OR5A2: variants seen among roughly 807,000 people sequenced by gnomAD.
OR5A2 encodes olfactory receptor family 5 subfamily A member 2, also known as olfactory receptor 5A2.
For missense variants in OR5A2, 406 were observed against 398.9 expected, an observed-to-expected ratio of 1.02 and a Z score of -0.15; for synonymous variants, 155 against 151.1, an observed-to-expected ratio of 1.03 and a Z score of -0.19.
At position 59,421,753 on chromosome 11, in the gene OR5A2, G is replaced by A. The variant is rs537422321; in HGVS notation, c.*226C>T. ...CCAGGATGTTTTTTGTCATGATGAA[G>A]TTTTCTGCTAGGCAGAGCATTTAAA... On this transcript the variant is annotated 3_prime_UTR_variant, in exon 2 of 2. Coordinates refer to ENST00000302040, the MANE Select transcript of OR5A2 (RefSeq NM_001001954.2). 35 of 455,780 alleles carry A rather than the reference G, an allele frequency of 7.7e-5. No homozygotes were observed. Among genetic ancestry groups the A allele is most frequent in the Non-Finnish European group, 1.1e-4 (28 of 259,272 alleles). The allele number at this position is 455,780 out of a possible 1,614,324, so 28.2% of individuals were successfully genotyped here.
In OR5A2 at chr11:59,422,438, G is replaced by A. The variant is rs201431612; in HGVS notation, c.516C>T (p.Pro172=). 53 of 1,614,032 alleles carry A rather than the reference G, an allele frequency of 3.3e-5. No homozygotes were observed. Among genetic ancestry groups the A allele is most frequent in the Non-Finnish European group, 4.2e-5 (50 of 1,180,018 alleles). ...YSVYQHDFCG[P]YMINHFFCDL... The stretch of plus-strand genomic sequence containing the variant: ...CACAGAAAAAGTGGTTGATCATATA[G>A]GGCCCACAGAAATCATGCTGATAGA... The change falls in exon 2 of 2, where the codon CCC becomes CCT. Residue 172 remains proline, a synonymous_variant. Coordinates refer to ENST00000302040, the MANE Select transcript of OR5A2 (RefSeq NM_001001954.2).
Position 59,422,220 on chromosome 11 carries a change from T to C in OR5A2, c.734A>G (p.His245Arg). 6.2e-7 allele frequency: 1 copy of C among 1,614,026 alleles called. No homozygotes were observed. ...ATAGAAGAGGGTCACAGCAGTCAGG[T>C]GAGAGGCACAAGTGCTGAAGGCCTT... ...RTKAFSTCAS[H>R]LTAVTLFYGS... Residue 245 changes from histidine (H) to arginine (R), a missense_variant, in exon 2 of 2, where the codon CAC becomes CGC. Coordinates refer to ENST00000302040, the MANE Select transcript of OR5A2 (RefSeq NM_001001954.2).
In OR5A2 at chr11:59,421,853, C is replaced by G; in HGVS notation, c.*126G>C. 12 of 1,047,968 alleles carry G rather than the reference C, an allele frequency of 1.1e-5. No homozygotes were observed. The highest frequency in any genetic ancestry group is 2.3e-5 in the Admixed American group (1 of 43,038). 64.9% of individuals were successfully genotyped at this position (1,047,968 alleles called of 1,614,324 possible). ...TGTTTTCTAATAGCCAACAGGCAAA[C>G]TATTAGTGAAATCTTAAGCAGGAGG... On this transcript the variant is annotated 3_prime_UTR_variant, in exon 2 of 2. Transcript: ENST00000302040.
Position 59,422,444 on chromosome 11 carries a change from A to G in OR5A2, c.510T>C (p.Cys170=). The G allele has an allele frequency of 6.2e-7, 1 of 1,614,222 alleles. No individual in the cohort carries two copies. Among genetic ancestry groups the G allele is most frequent in the Non-Finnish European group, 8.5e-7 (1 of 1,180,026 alleles). Residue 170 remains cysteine (C), a synonymous_variant, in exon 2 of 2, where the codon TGT becomes TGC. Coordinates refer to ENST00000302040, the MANE Select transcript of OR5A2 (RefSeq NM_001001954.2). ...AAAAGTGGTTGATCATATAGGGCCCACAGAAATCATGCTGATAGACAGAGT... is the reference window on the plus strand; with the variant it reads ...AAAAGTGGTTGATCATATAGGGCCCGCAGAAATCATGCTGATAGACAGAGT... ...ETYSVYQHDF[C]GPYMINHFFC...
intron 1 of OR5A2, chr11:59,424,585 C>A (rs1463943827): frequency 2.6e-5 from 4 of 151,706 alleles, no homozygotes; most frequent in South Asian, 2.1e-4. Context: ...CAGAGTGAGA[C>A]CCTGTCTCAA....
Position 59,419,882 on chromosome 11 carries a change from T to A in OR5A2, c.*2097A>T, listed in dbSNP as rs2134521089. 6.6e-6 allele frequency: 1 copy of A among 152,168 alleles called. No homozygotes were observed. The highest frequency in any genetic ancestry group is 2.1e-4 in the South Asian group (1 of 4,810). The allele number at this position is 152,168 out of a possible 1,614,324, so 9.4% of individuals were successfully genotyped here. On this transcript the variant is annotated 3_prime_UTR_variant, in exon 2 of 2. Transcript: ENST00000302040. ...AGGGTGCCTGGCTCTTAGTTGATTA[T>A]CTCCTAGATCAGGGAAGGAAGGAAG... is the stretch of plus-strand genomic sequence containing the variant.
Position 59,421,713 on chromosome 11 carries a change from C to T in OR5A2, c.*266G>A. On this transcript the variant is annotated 3_prime_UTR_variant, in exon 2 of 2. Coordinates refer to ENST00000302040, the MANE Select transcript of OR5A2 (RefSeq NM_001001954.2). ...ATGACTTTCCTCCTATACATACAAACTCTGTTTTAACATTCCAGGATGTTT... is the reference window on the plus strand; with the variant it reads ...ATGACTTTCCTCCTATACATACAAATTCTGTTTTAACATTCCAGGATGTTT... The T allele has an allele frequency of 2.6e-6, 1 of 377,766 alleles. No individual in the cohort carries two copies. Among genetic ancestry groups the T allele is most frequent in the South Asian group, 6.0e-5 (1 of 16,798 alleles). The allele number at this position is 377,766 out of a possible 1,614,324, so 23.4% of individuals were successfully genotyped here.
intron 1 of OR5A2, chr11:59,425,126 T>C (rs1460145414): frequency 6.6e-6 from 1 of 152,222 alleles, no homozygotes; most frequent in Non-Finnish European, 1.5e-5. Context: ...GAGCTGGTTG[T>C]GCAGGAGGAC....
Position 59,421,960 on chromosome 11 carries a change from C to G in OR5A2, c.*19G>C. 6 of 1,567,022 alleles carry G rather than the reference C, an allele frequency of 3.8e-6. No homozygotes were observed. Among genetic ancestry groups the G allele is most frequent in the Non-Finnish European group, 5.2e-6 (6 of 1,155,972 alleles). Reference sequence around the variant, plus strand: ...AAATGTCTGCACAATTCACCTAGCTCACAGCTTCATTGTAAACATTAGCCC... The same window carrying G: ...AAATGTCTGCACAATTCACCTAGCTGACAGCTTCATTGTAAACATTAGCCC... On this transcript the variant is annotated 3_prime_UTR_variant, in exon 2 of 2. Coordinates refer to ENST00000302040, the MANE Select transcript of OR5A2 (RefSeq NM_001001954.2).
At position 59,422,229 on chromosome 11, in the gene OR5A2, C is replaced by A; in HGVS notation, c.725G>T (p.Cys242Phe). ...GGTCACAGCAGTCAGGTGAGAGGCACAAGTGCTGAAGGCCTTTGTCCTACC... is the reference window on the plus strand; with the variant it reads ...GGTCACAGCAGTCAGGTGAGAGGCAAAAGTGCTGAAGGCCTTTGTCCTACC... ...ATGRTKAFST[C>F]ASHLTAVTLF... is the part of the protein sequence containing the mutation. The change falls in exon 2 of 2, where the codon TGT (cysteine) becomes TTT (phenylalanine). Residue 242 changes from cysteine (C) to phenylalanine (F), a missense_variant. Cys to Phe is a radical substitution (Grantham distance 205, BLOSUM62 -2). Transcript: ENST00000302040. 6.2e-7 allele frequency: 1 copy of A among 1,614,120 alleles called. No individual in the cohort carries two copies. Among genetic ancestry groups the A allele is most frequent in the Non-Finnish European group, 8.5e-7 (1 of 1,180,016 alleles).
In OR5A2 at chr11:59,420,196, T is replaced by A. The variant is rs1858205427; in HGVS notation, c.*1783A>T. 6.6e-6 allele frequency: 1 copy of A among 152,058 alleles called. No homozygotes were observed. The highest frequency in any genetic ancestry group is 1.5e-5 in the Non-Finnish European group (1 of 68,000). 9.4% of individuals were successfully genotyped at this position (152,058 alleles called of 1,614,324 possible). ...AGCTTAGTCCTCAGGTAGCTACAGATGAGGAAAACAGAGTTTCTAAATAAC... is the reference window on the plus strand; with the variant it reads ...AGCTTAGTCCTCAGGTAGCTACAGAAGAGGAAAACAGAGTTTCTAAATAAC... On this transcript the variant is annotated 3_prime_UTR_variant, in exon 2 of 2. Transcript: ENST00000302040.
Position 59,421,690 on chromosome 11 carries a change from G to T in OR5A2, c.*289C>A. On this transcript the variant is annotated 3_prime_UTR_variant, in exon 2 of 2. Transcript: ENST00000302040. Reference sequence around the variant, plus strand: ...AATGCTGGACTAACATTTTTTCGATGACTTTCCTCCTATACATACAAACTC... The same window carrying T: ...AATGCTGGACTAACATTTTTTCGATTACTTTCCTCCTATACATACAAACTC... The T allele has an allele frequency of 3.3e-6, 1 of 298,754 alleles. No individual in the cohort carries two copies. The highest frequency in any genetic ancestry group is 6.2e-6 in the Non-Finnish European group (1 of 160,390). 18.5% of individuals were successfully genotyped at this position (298,754 alleles called of 1,614,324 possible).
Position 59,419,504 on chromosome 11 carries a change from G to C in OR5A2, c.*2475C>G, listed in dbSNP as rs1467447186. 6.6e-6 allele frequency: 1 copy of C among 152,086 alleles called. No homozygotes were observed. The highest frequency in any genetic ancestry group is 1.5e-5 in the Non-Finnish European group (1 of 68,014). 9.4% of individuals were successfully genotyped at this position (152,086 alleles called of 1,614,324 possible). On this transcript the variant is annotated 3_prime_UTR_variant, in exon 2 of 2. Transcript: ENST00000302040. The stretch of plus-strand genomic sequence containing the variant: ...AGCCAAATATGAGTAACCATGGCCC[G>C]CAACACAGCCGTCAGAAGGTCCTGA...
rs1590605618 is a variant in OR5A2 at position 59,420,086 on chromosome 11, A to G, written c.*1893T>C. 1 of 152,132 alleles carries G rather than the reference A, an allele frequency of 6.6e-6. No individual in the cohort carries two copies. Among genetic ancestry groups the G allele is most frequent in the African/African-American group, 2.4e-5 (1 of 41,424 alleles). The allele number at this position is 152,132 out of a possible 1,614,324, so 9.4% of individuals were successfully genotyped here. ...GTCACTGTATATGGTGTTAAATAAA[A>G]CCCATCTAATGAGAATTTATGGTTT... On this transcript the variant is annotated 3_prime_UTR_variant, in exon 2 of 2. Coordinates refer to ENST00000302040, the MANE Select transcript of OR5A2 (RefSeq NM_001001954.2).
In OR5A2 at chr11:59,423,028, G is replaced by A. The variant is rs1858252064; in HGVS notation, c.-75C>T. 1.5e-6 allele frequency: 2 copies of A among 1,371,354 alleles called. No individual in the cohort carries two copies. The highest frequency in any genetic ancestry group is 2.3e-5 in the East Asian group (1 of 43,512). The allele number at this position is 1,371,354 out of a possible 1,614,324, so 84.9% of individuals were successfully genotyped here. On this transcript the variant is annotated 5_prime_UTR_variant, in exon 2 of 2. An upstream open reading frame in the 5' UTR gains an earlier in-frame stop. Coordinates refer to ENST00000302040, the MANE Select transcript of OR5A2 (RefSeq NM_001001954.2). The stretch of plus-strand genomic sequence containing the variant: ...GGTCAGCTAGATTTTGTTTGTTATT[G>A]TAAGAGTGGGTATTTCCTAGAAGAT...
Position 59,422,262 on chromosome 11 carries a change from G to T in OR5A2, c.692C>A (p.Ser231Ter), listed in dbSNP as rs1387154452. 6.2e-7 allele frequency: 1 copy of T among 1,614,116 alleles called. No individual in the cohort carries two copies. Among genetic ancestry groups the T allele is most frequent in the Non-Finnish European group, 8.5e-7 (1 of 1,179,998 alleles). ...YIVAAVVKIS[S>*]ATGRTKAFST... ...GAAGGCCTTTGTCCTACCTGTAGCT[G>T]AGCTGATCTTCACAACAGCAGCAAC... Residue 231 changes from serine (S) to a stop codon, truncating the protein, a stop_gained, in exon 2 of 2, where the codon TCA becomes TAA. Coordinates refer to ENST00000302040, the MANE Select transcript of OR5A2 (RefSeq NM_001001954.2). LOFTEE classifies it low-confidence loss of function (END_TRUNC).
rs1396516071 is a variant in OR5A2, at chr11:59,417,106, C to G, written c.*4873G>C. 6.6e-6 allele frequency: 1 copy of G among 152,040 alleles called. No individual in the cohort carries two copies. Among genetic ancestry groups the G allele is most frequent in the Non-Finnish European group, 1.5e-5 (1 of 67,984 alleles). The allele number at this position is 152,040 out of a possible 1,614,324, so 9.4% of individuals were successfully genotyped here. ...CTAGTTTGACATCATAGTTCCATCTCAGAAGAACGTGGCTTTGAACACAAG... is the reference window on the plus strand; with the variant it reads ...CTAGTTTGACATCATAGTTCCATCTGAGAAGAACGTGGCTTTGAACACAAG... On this transcript the variant is annotated 3_prime_UTR_variant, in exon 2 of 2. Coordinates refer to ENST00000302040, the MANE Select transcript of OR5A2 (RefSeq NM_001001954.2).
At position 59,420,091 on chromosome 11, in the gene OR5A2, T is replaced by A. The variant is rs891052194; in HGVS notation, c.*1888A>T. The A allele has an allele frequency of 1.3e-5, 2 of 152,116 alleles. No individual in the cohort carries two copies. Among genetic ancestry groups the A allele is most frequent in the African/African-American group, 4.8e-5 (2 of 41,424 alleles). 9.4% of individuals were successfully genotyped at this position (152,116 alleles called of 1,614,324 possible). A position where few individuals can be genotyped will look rare whatever the true frequency, so the allele number is the denominator to read the frequency against. ...TGTATATGGTGTTAAATAAAACCCATCTAATGAGAATTTATGGTTTGCAGG... is the reference window on the plus strand; with the variant it reads ...TGTATATGGTGTTAAATAAAACCCAACTAATGAGAATTTATGGTTTGCAGG... On this transcript the variant is annotated 3_prime_UTR_variant, in exon 2 of 2. Transcript: ENST00000302040.
chr11:59,424,831 CA>C (rs893111124), intron 1 of OR5A2: 2 of 152,162 alleles, frequency 1.3e-5, no homozygotes, highest in African/African-American at 4.8e-5. Flanking sequence ...CCCCTCAAAT[CA>C]CTGGTCAAGC....
Sources: allele counts gnomAD v4.1 joint callset, GRCh38; gene constraint gnomAD v4.1.1; transcripts MANE v1.5; gene names NCBI Gene and HGNC (gene_info 2026-07-23, HGNC 2026-07-21).